Variants in CAST observed in about 807,000 individuals in gnomAD.
CAST encodes MIR583 host.
In CAST, 76 loss-of-function variants were observed where a neutral mutation model predicts 119.6. That is an observed-to-expected ratio of 0.64 (90% CI 0.53 to 0.77). CAST has a LOEUF of 0.77. Among genes scored for constraint, CAST ranks in the 30% least tolerant of loss-of-function variants. The pLI is 0.00. For missense variants in CAST, 953 were observed against 946.5 expected (o/e 1.01, Z -0.09); for synonymous variants, 319 against 331.6 (o/e 0.96, Z 0.41).
Position 96,774,557 on chromosome 5 carries a change from G to C in CAST, c.*1941G>C, listed in dbSNP as rs972204491. ...GTTGTGGCAATATTGTATCTGTTTAGAAAATGGGCTTTTCCAAAAGCAAAC... is the reference window on the plus strand; with the variant it reads ...GTTGTGGCAATATTGTATCTGTTTACAAAATGGGCTTTTCCAAAAGCAAAC... On this transcript the variant is annotated 3_prime_UTR_variant, in exon 32 of 32. Coordinates refer to ENST00000675179, the MANE Select transcript of CAST (RefSeq NM_001750.7). The C allele has an allele frequency of 4.8e-5, 47 of 985,650 alleles. No individual in the cohort carries two copies. Among genetic ancestry groups the C allele is most frequent in the Non-Finnish European group, 5.4e-5 (45 of 829,836 alleles). The allele number at this position is 985,650 out of a possible 1,614,324, so 61.1% of individuals were successfully genotyped here. A position where few individuals can be genotyped will look rare whatever the true frequency, so the allele number is the denominator to read the frequency against.
At chr5:96,146,356 G>A in the CAST span, among the ~76,000 whole-genome samples, 1 of 152,238 alleles carries the variant, frequency 6.6e-6, no homozygotes, top group Non-Finnish European at 1.5e-5. Context: ...AGGAAAGGTT[G>A]CCTTAGACCA....
At chr5:96,264,782 C>T in the CAST span, among the ~76,000 whole-genome samples, 4 of 152,208 alleles carry the variant, frequency 2.6e-5, no homozygotes, top group Non-Finnish European at 5.9e-5. Context: ...TAAATGGAAT[C>T]TCACGTGTAT....
At chr5:95,983,279 C>T in the CAST span, among the ~76,000 whole-genome samples, 17 of 152,192 alleles carry the variant, frequency 1.1e-4, no homozygotes, top group Admixed American at 2.6e-4. Context: ...CAGTACTCTG[C>T]TTTTTAACCT....
the CAST span, among the ~76,000 whole-genome samples, chr5:96,009,086 A>G: frequency 3.9e-5 from 6 of 152,068 alleles, no homozygotes; most frequent in Admixed American, 6.6e-5. Context: ...TTCCTGTGTT[A>G]ATTTGTTTAG....
upstream of CAST, among the ~76,000 whole-genome samples, chr5:96,527,563 A>G (rs1437679041): frequency 1.3e-5 from 2 of 152,188 alleles, no homozygotes; most frequent in African/African-American, 4.8e-5. Context: ...TCCTCCCTCT[A>G]CAGCAGGCTC....
chr5:96,424,486 C>T, the CAST span, among the ~76,000 whole-genome samples: 1 of 152,190 alleles, frequency 6.6e-6, no homozygotes, highest in Admixed American at 6.5e-5. Flanking sequence ...AATTATTCTA[C>T]TTTCCAATAT....
the CAST span, among the ~76,000 whole-genome samples, chr5:96,182,802 GTGTTTGTTGCAGCAC>G: frequency 6.6e-6 from 1 of 152,038 alleles, no homozygotes; most frequent in South Asian, 2.1e-4. Context: ...CTTTTTGCGG[GTGTTTGTTGCAGCAC>G]TGTTTATAAT....
the CAST span, among the ~76,000 whole-genome samples, chr5:96,103,111 A>G: frequency 2.6e-5 from 4 of 152,184 alleles, no homozygotes; most frequent in Non-Finnish European, 1.5e-5. Flanking sequence ...GTTTTTTAAT[A>G]AAAAATATTT....
At chr5:96,384,440 C>T in the CAST span, among the ~76,000 whole-genome samples, 1 of 152,228 alleles carries the variant, frequency 6.6e-6, no homozygotes, top group Non-Finnish European at 1.5e-5. Flanking sequence ...ACCACTCTAT[C>T]TCTTATGGAC....
chr5:96,274,998 T>G, the CAST span, among the ~76,000 whole-genome samples: 1 of 152,192 alleles, frequency 6.6e-6, no homozygotes, highest in Admixed American at 6.5e-5. Context: ...ATTTATACTT[T>G]GAGGAAGGGG....
the CAST span, among the ~76,000 whole-genome samples, chr5:96,162,607 G>A: frequency 6.6e-6 from 1 of 151,978 alleles, no homozygotes; most frequent in African/African-American, 2.4e-5. Flanking sequence ...TAGTAGAGAC[G>A]CTGTTTCACC....
chr5:96,431,734 G>A, the CAST span, among the ~76,000 whole-genome samples: 2 of 152,146 alleles, frequency 1.3e-5, no homozygotes, highest in African/African-American at 4.8e-5. Flanking sequence ...AGAGGGTTCG[G>A]TCTACAGAAT....
chr5:96,488,855 C>A, the CAST span, among the ~76,000 whole-genome samples: 1 of 152,144 alleles, frequency 6.6e-6, no homozygotes, highest in Non-Finnish European at 1.5e-5. Flanking sequence ...GAAATAAGAA[C>A]AAGATCCAAA....
chr5:96,068,423 C>T, the CAST span, among the ~76,000 whole-genome samples: 1 of 152,010 alleles, frequency 6.6e-6, no homozygotes, highest in East Asian at 1.9e-4. Context: ...ACTCCTGGTC[C>T]CTGTGCCCTA....
the CAST span, among the ~76,000 whole-genome samples, chr5:96,095,461 T>C: frequency 3.5e-5 from 5 of 143,192 alleles, no homozygotes; most frequent in Non-Finnish European, 7.5e-5. Context: ...CTTGGGAGGC[T>C]GAGGCAAGAG....
intron 1 of CAST, among the ~76,000 whole-genome samples, chr5:96,671,257 G>A (rs1366437513): frequency 6.6e-6 from 1 of 151,908 alleles, no homozygotes; most frequent in Non-Finnish European, 1.5e-5. Flanking sequence ...CTTTACTATG[G>A]CATCCTGTCC....
the CAST span, among the ~76,000 whole-genome samples, chr5:96,344,492 A>G: frequency 6.6e-6 from 1 of 152,218 alleles, no homozygotes. Context: ...GAAAGCAAGC[A>G]GTGGCTCATG....
chr5:95,992,792 G>C, the CAST span, among the ~76,000 whole-genome samples: 25 of 152,088 alleles, frequency 1.6e-4, no homozygotes, highest in Non-Finnish European at 2.8e-4. Context: ...GGGTATGTGA[G>C]AACTATACCA....
At chr5:96,698,662 TG>T (rs1352000442) in intron 3 of CAST, among the ~76,000 whole-genome samples, 2 of 152,198 alleles carry the variant, frequency 1.3e-5, no homozygotes, top group African/African-American at 4.8e-5. Flanking sequence ...TTAGAAAAGC[TG>T]GGGGTAATAG....
Sources: allele counts gnomAD v4.1 joint callset (sites outside exome capture counted in the v4.1 genomes callset), GRCh38; gene constraint gnomAD v4.1.1; transcripts MANE v1.5; gene names NCBI Gene and HGNC (gene_info 2026-07-23, HGNC 2026-07-21).